SPAG16: variants seen among roughly 807,000 people sequenced by gnomAD.
SPAG16 encodes sperm-associated antigen 16 protein.
SPAG16 carries 86 observed loss-of-function variants against 80.4 expected under a neutral mutation model. The ratio of observed to expected loss-of-function variants is 1.07; its 90% confidence interval spans 0.90 to 1.28. SPAG16 has a LOEUF of 1.28. Among genes scored for constraint, SPAG16 ranks in the 50% most tolerant of loss-of-function variants. The probability of loss-of-function intolerance (pLI) is 0.00; values close to 1 mark genes in which losing one functional copy is unlikely to be tolerated. For missense variants in SPAG16, 870 were observed against 765.3 expected, an observed-to-expected ratio of 1.14 and a Z score of -1.61; for synonymous variants, 294 against 265.9, an observed-to-expected ratio of 1.11 and a Z score of -1.03.
chr2:214,175,251 A>ATG (rs1406942434), intron 15 of SPAG16, among the ~76,000 whole-genome samples: 1 of 146,584 alleles, frequency 6.8e-6, no homozygotes, highest in East Asian at 2.0e-4. Flanking sequence ...AAATGTATAT[A>ATG]TATATATAAA....
chr2:214,245,898 C>T lies in SPAG16; in HGVS notation c.1720+96632C>T, dbSNP rs564260898. Among the ~76,000 whole-genome samples, 36 of 152,166 alleles carry T rather than the reference C, an allele frequency of 2.4e-4. 1 individual carries two copies. The Middle Eastern group carries it at 0.01, about 43-fold the overall frequency. On this transcript the variant is annotated intron_variant, in intron 15 of 15. Transcript: ENST00000331683. ...TACACTTCAAAGGGCCTAAAACGTACGTTTTGAATGAATAAATAATCAAAT... is the reference window on the plus strand; with the variant it reads ...TACACTTCAAAGGGCCTAAAACGTATGTTTTGAATGAATAAATAATCAAAT...
intron 15 of SPAG16, among the ~76,000 whole-genome samples, chr2:214,301,979 CTT>C (rs1694583404): frequency 6.6e-6 from 1 of 151,984 alleles, no homozygotes; most frequent in Non-Finnish European, 1.5e-5. Flanking sequence ...TTGTGTGTCT[CTT>C]TGCATTTGCA....
intron 10 of SPAG16, among the ~76,000 whole-genome samples, chr2:213,633,588 G>A (rs2062238554): frequency 6.6e-6 from 1 of 152,060 alleles, no homozygotes; most frequent in Non-Finnish European, 1.5e-5. Flanking sequence ...TTGATATAGT[G>A]CCAGTAAGAT....
intron 10 of SPAG16, among the ~76,000 whole-genome samples, chr2:213,709,550 T>C (rs2065895338): frequency 6.6e-6 from 1 of 152,162 alleles, no homozygotes; most frequent in Admixed American, 6.5e-5. Flanking sequence ...ATTTTACTTT[T>C]GTTAACTTGA....
intron 8 of SPAG16, among the ~76,000 whole-genome samples, chr2:213,369,167 C>G (rs560504514): frequency 2.6e-5 from 4 of 152,182 alleles, no homozygotes; most frequent in African/African-American, 9.6e-5. Context: ...AAGATGCAGG[C>G]AAGCTCGGAG....
At chr2:213,647,626 C>G (rs974132774) in intron 10 of SPAG16, among the ~76,000 whole-genome samples, 17 of 152,054 alleles carry the variant, frequency 1.1e-4, no homozygotes, top group South Asian at 2.1e-4. Context: ...AGTCTCCCAG[C>G]CTCAGTCATG....
intron 13 of SPAG16, among the ~76,000 whole-genome samples, chr2:214,020,757 C>G (rs1180137176): frequency 6.6e-6 from 1 of 152,146 alleles, no homozygotes; most frequent in Non-Finnish European, 1.5e-5. Flanking sequence ...TTAGGGTTTC[C>G]TCTTGTTCTG....
At chr2:213,774,727 T>C (rs149703341) in intron 10 of SPAG16, among the ~76,000 whole-genome samples, 1 of 152,308 alleles carries the variant, frequency 6.6e-6, no homozygotes, top group East Asian at 1.9e-4. Flanking sequence ...AAGTCAATAA[T>C]ACCTGTGCCC....
intron 12 of SPAG16, among the ~76,000 whole-genome samples, chr2:213,940,368 C>T (rs1431118588): frequency 6.6e-6 from 1 of 152,108 alleles, no homozygotes; most frequent in African/African-American, 2.4e-5. Context: ...CTCACTGTAG[C>T]CTGGAACTCT....
intron 15 of SPAG16, among the ~76,000 whole-genome samples, chr2:214,376,238 T>G (rs2126097906): frequency 6.6e-6 from 1 of 152,276 alleles, no homozygotes; most frequent in African/African-American, 2.4e-5. Context: ...TTTAACTTAT[T>G]AGTATACCTG....
chr2:213,683,566 T>C (rs1022146851), intron 10 of SPAG16, among the ~76,000 whole-genome samples: 2 of 151,990 alleles, frequency 1.3e-5, no homozygotes, highest in African/African-American at 2.4e-5. Context: ...AAAAAAAAGA[T>C]ACATAAATAC....
chr2:214,269,235 G>A (rs1052533906), intron 15 of SPAG16, among the ~76,000 whole-genome samples: 6 of 151,898 alleles, frequency 4.0e-5, no homozygotes, highest in South Asian at 2.1e-4. Flanking sequence ...AAGAAATGAC[G>A]TTTAAAAATT....
intron 11 of SPAG16, among the ~76,000 whole-genome samples, chr2:213,925,882 T>G (rs960756206): frequency 6.6e-6 from 1 of 152,192 alleles, no homozygotes; most frequent in East Asian, 1.9e-4. Context: ...CTTATTTTTC[T>G]TTTTTCCCTC....
At chr2:213,846,480 T>C (rs2074633086) in intron 10 of SPAG16, among the ~76,000 whole-genome samples, 1 of 152,046 alleles carries the variant, frequency 6.6e-6, no homozygotes, top group Non-Finnish European at 1.5e-5. Flanking sequence ...AATTACAGTG[T>C]TCCTGTGTGG....
chr2:213,403,394 G>A (rs1454528244), intron 9 of SPAG16, among the ~76,000 whole-genome samples: 1 of 152,028 alleles, frequency 6.6e-6, no homozygotes, highest in African/African-American at 2.4e-5. Flanking sequence ...TCACTCTGAT[G>A]GTAGTTTCTT....
chr2:214,173,164 T>C (rs1300113159), intron 15 of SPAG16, among the ~76,000 whole-genome samples: 2 of 152,148 alleles, frequency 1.3e-5, no homozygotes, highest in African/African-American at 4.8e-5. Context: ...AGACATGAAG[T>C]CCTTGCCCAT....
intron 14 of SPAG16, among the ~76,000 whole-genome samples, chr2:214,127,571 G>A (rs998461120): frequency 5.3e-5 from 8 of 151,966 alleles, no homozygotes; most frequent in African/African-American, 1.9e-4. Flanking sequence ...AGATTCACCT[G>A]TATGTATTTC....
chr2:214,210,993 A>G (rs548462541), intron 15 of SPAG16, among the ~76,000 whole-genome samples: 2 of 152,334 alleles, frequency 1.3e-5, no homozygotes, highest in Non-Finnish European at 2.9e-5. Context: ...GTGATAAACC[A>G]AAGCAATGAA....
At chr2:213,560,781 A>C (rs964391813) in intron 10 of SPAG16, among the ~76,000 whole-genome samples, 1 of 152,172 alleles carries the variant, frequency 6.6e-6, no homozygotes, top group Non-Finnish European at 1.5e-5. Flanking sequence ...TTAGTTAGTA[A>C]AAGTTCAGCT....
Sources: gnomAD v4.1 joint callset for allele counts (sites outside exome capture counted in the v4.1 genomes callset) on GRCh38, gnomAD v4.1.1 for gene constraint, MANE v1.5 for transcripts, NCBI Gene and HGNC (gene_info 2026-07-23, HGNC 2026-07-21) for gene names.